Variants in DDX24 observed in about 807,000 individuals in gnomAD.
DDX24 encodes ATP-dependent RNA helicase DDX24.
A neutral mutation model predicts 68.9 loss-of-function variants in DDX24; 24 were observed. The ratio of observed to expected loss-of-function variants is 0.35; its 90% CI spans 0.25 to 0.49. DDX24 has a LOEUF of 0.49. Among genes scored for constraint, DDX24 ranks in the 20% least tolerant of loss-of-function variants. DDX24 has a pLI of 0.99. For synonymous variants in DDX24, 395 were observed against 385.2 expected (o/e 1.03, Z -0.30); for missense variants, 989 against 1,039.0 (o/e 0.95, Z 0.66).
intron 2 of DDX24, 194 bp downstream of exon 2, chr14:94,078,831 A>C (rs892049775): frequency 1.6e-6 from 1 of 610,780 alleles, no homozygotes; most frequent in Non-Finnish European, 2.8e-6. Context: ...TGAGAGAGAT[A>C]AAAGTGATCT....
Position 94,065,266 on chromosome 14 carries a change from AT to A in DDX24, c.719-2646del, listed in dbSNP as rs1046822645. On this transcript the variant is annotated intron_variant, in intron 2 of 8. Transcript: ENST00000621632. ...ATGCAGTTTCACCATGTTGGCCAGGATGGTCTCTATCTCTTCACCTCGTGAT... is the reference window on the plus strand; with the variant it reads ...ATGCAGTTTCACCATGTTGGCCAGGAGGTCTCTATCTCTTCACCTCGTGAT... Among the ~76,000 whole-genome samples, 38 of 151,570 alleles carry A rather than the reference AT, an allele frequency of 2.5e-4. 1 individual carries two copies. The highest frequency in any genetic ancestry group is 9.2e-4 in the African/African-American group (38 of 41,302).
At chr14:94,055,285 C>G in intron 6 of DDX24, 101 bp from the exon 7 acceptor site, 1 of 1,251,400 alleles carries the variant, frequency 8.0e-7, no homozygotes, top group Non-Finnish European at 1.1e-6. Context: ...ACCTCCCAGC[C>G]AGGCAGGTAG....
Position 94,053,248 on chromosome 14 carries a change from G to C in DDX24, c.2179-121C>G, listed in dbSNP as rs1396411217. On this transcript the variant is annotated intron_variant, in intron 7 of 8. Coordinates refer to ENST00000621632, the MANE Select transcript of DDX24 (RefSeq NM_020414.4). ...GTATCACTCTGCTGCCCAGGCTGGA[G>C]AGCAGTGGCATGATCATGGCTCACT... 7 of 1,331,100 alleles carry C rather than the reference G, an allele frequency of 5.3e-6. No homozygotes were observed. The Admixed American group carries it at 1.3e-4, about 25-fold the overall frequency. 82.5% of individuals were successfully genotyped at this position (1,331,100 alleles called of 1,614,324 possible).
rs191715768 is a variant in DDX24, at chr14:94,052,097, G to C, written c.2309-635C>G. 2.3e-3 allele frequency among the ~76,000 whole-genome samples: 348 copies of C among 152,382 alleles called. 1 individual carries two copies. The highest frequency in any genetic ancestry group is 8.2e-3 in the African/African-American group (339 of 41,586). On this transcript the variant is annotated intron_variant, in intron 8 of 8. Coordinates refer to ENST00000621632, the MANE Select transcript of DDX24 (RefSeq NM_020414.4). ...TAGCTCACTGTCATCAAGCCCACTG[G>C]TTTGGCTCCTGGCTTCCATGCTGAG...
chr14:94,052,221 G>A (rs948907684), intron 8 of DDX24, among the ~76,000 whole-genome samples: 1 of 152,344 alleles, frequency 6.6e-6, no homozygotes, highest in South Asian at 2.1e-4. Flanking sequence ...AAGGAGCATG[G>A]AGTTCTAGAT....
chr14:94,067,397 T>C (rs1291200127), intron 2 of DDX24, among the ~76,000 whole-genome samples: 2 of 152,116 alleles, frequency 1.3e-5, no homozygotes, highest in Non-Finnish European at 2.9e-5. Context: ...TGCTAAAAGC[T>C]TGGAAAACAT....
Position 94,049,096 on chromosome 14 carries a change from AGG to A in DDX24, c.*2093_*2094del, listed in dbSNP as rs1273799762. 1 of 152,244 alleles carries A rather than the reference AGG, an allele frequency of 6.6e-6. No homozygotes were observed. The highest frequency in any genetic ancestry group is 1.5e-5 in the Non-Finnish European group (1 of 68,076). 9.4% of individuals were successfully genotyped at this position (152,244 alleles called of 1,614,324 possible). ...CTCTGCCCACCAACTTCACCTTACC[AGG>A]CGAGAGTAGCACTGCTTGGAAGGCT... On this transcript the variant is annotated 3_prime_UTR_variant, in exon 9 of 9. Coordinates refer to ENST00000621632, the MANE Select transcript of DDX24 (RefSeq NM_020414.4).
At chr14:94,076,680 C>CAAAAA (rs35863241) in intron 2 of DDX24, among the ~76,000 whole-genome samples, 1 of 100,170 alleles carries the variant, frequency 1.0e-5, no homozygotes, top group East Asian at 3.1e-4. Flanking sequence ...GACTCCGTCT[C>CAAAAA]AAAAAAAAAA....
Position 94,051,483 on chromosome 14 carries a change from C to T in DDX24, c.2309-21G>A, listed in dbSNP as rs770112060. The T allele has an allele frequency of 7.7e-5, 117 of 1,514,988 alleles. 1 individual carries two copies. Among genetic ancestry groups the T allele is most frequent in the East Asian group, 4.7e-5 (2 of 42,952 alleles). 93.8% of individuals were successfully genotyped at this position (1,514,988 alleles called of 1,614,324 possible). A position where few individuals can be genotyped will look rare whatever the true frequency, so the allele number is the denominator to read the frequency against. On this transcript the variant is annotated intron_variant, in intron 8 of 8. Coordinates refer to ENST00000621632, the MANE Select transcript of DDX24 (RefSeq NM_020414.4). Reference sequence around the variant, plus strand: ...TCCTCCTTGAAACACAATACAAAAACGATCCTATTTACTATGGTTTGTAGA... The same window carrying T: ...TCCTCCTTGAAACACAATACAAAAATGATCCTATTTACTATGGTTTGTAGA...
At position 94,053,136 on chromosome 14, in the gene DDX24, AAGTAAC is replaced by A; in HGVS notation, c.2179-15_2179-10del. ...GCTAAACGGATTCGCTCCTGGGGGG[AAGTAAC>A]AGAAAATATTCATCTGAAATAGAGT... On this transcript the variant is annotated splice_polypyrimidine_tract_variant and intron_variant, in intron 7 of 8. Coordinates refer to ENST00000621632, the MANE Select transcript of DDX24 (RefSeq NM_020414.4). 6.2e-7 allele frequency: 1 copy of A among 1,613,624 alleles called. No individual in the cohort carries two copies. Among genetic ancestry groups the A allele is most frequent in the Non-Finnish European group, 8.5e-7 (1 of 1,179,898 alleles).
chr14:94,073,388 ATAAT>A (rs1885872706), intron 2 of DDX24, among the ~76,000 whole-genome samples: 1 of 152,160 alleles, frequency 6.6e-6, no homozygotes, highest in Admixed American at 6.5e-5. Context: ...CCTGGCTTCA[ATAAT>A]TCAACTCAAA....
chr14:94,080,149 T>C (rs3790042), intron 1 of DDX24, among the ~76,000 whole-genome samples: 1,531 of 152,348 alleles, frequency 0.01, 37 homozygotes, highest in East Asian at 0.097. Flanking sequence ...GGATGAAACC[T>C]GCCACACCTA....
intron 5 of DDX24, among the ~76,000 whole-genome samples, chr14:94,059,464 A>G (rs77584010): frequency 0.079 from 12,067 of 152,294 alleles, 510 homozygotes; most frequent in Middle Eastern, 0.19. Flanking sequence ...TCATTTTTCC[A>G]TCTATAAATG....
intron 2 of DDX24, among the ~76,000 whole-genome samples, chr14:94,063,765 T>C (rs951716922): frequency 2.0e-5 from 3 of 152,104 alleles, no homozygotes; most frequent in Non-Finnish European, 1.5e-5. Context: ...TTGCCAGGCA[T>C]GGTGGCACAC....
intron 2 of DDX24, among the ~76,000 whole-genome samples, chr14:94,076,061 T>C (rs923574828): frequency 1.3e-5 from 2 of 152,228 alleles, no homozygotes; most frequent in African/African-American, 2.4e-5. Context: ...GAAAACTCTT[T>C]AAAAGTTACA....
At chr14:94,062,807 G>A (rs186946962) in intron 2 of DDX24, among the ~76,000 whole-genome samples, 186 bp from the exon 3 acceptor site, 5 of 152,132 alleles carry the variant, frequency 3.3e-5, no homozygotes, top group Non-Finnish European at 7.4e-5. Context: ...ATTAGAACCC[G>A]AGGAAAAGTA....
intron 8 of DDX24, among the ~76,000 whole-genome samples, chr14:94,052,273 G>A (rs541639722): frequency 2.0e-5 from 3 of 152,302 alleles, no homozygotes; most frequent in Non-Finnish European, 4.4e-5. Flanking sequence ...TCTCAAGCAG[G>A]GACCGGGCAG....
chr14:94,061,786 T>C (rs201125907), intron 3 of DDX24, among the ~76,000 whole-genome samples: 14 of 152,258 alleles, frequency 9.2e-5, no homozygotes, highest in East Asian at 3.9e-4. Context: ...CCACAGACAA[T>C]ATAAAACCAA....
rs1268203658 is a variant in DDX24, at chr14:94,060,622, C to T, written c.1398-9G>A. 1.2e-6 allele frequency: 2 copies of T among 1,610,268 alleles called. No homozygotes were observed. Among genetic ancestry groups the T allele is most frequent in the Non-Finnish European group, 1.7e-6 (2 of 1,177,582 alleles). On this transcript the variant is annotated splice_polypyrimidine_tract_variant and intron_variant, in intron 4 of 8. Coordinates refer to ENST00000621632, the MANE Select transcript of DDX24 (RefSeq NM_020414.4). ...CATCCACTACCAGGCACCTGCAGATCCAGAGAGACCCATATCATTGGTCAG... is the reference window on the plus strand; with the variant it reads ...CATCCACTACCAGGCACCTGCAGATTCAGAGAGACCCATATCATTGGTCAG...
Sources: gnomAD v4.1 joint callset for allele counts (sites outside exome capture counted in the v4.1 genomes callset) on GRCh38, gnomAD v4.1.1 for gene constraint, MANE v1.5 for transcripts, NCBI Gene and HGNC (gene_info 2026-07-23, HGNC 2026-07-21) for gene names.